The following SLMAP variants were observed in gnomAD, a reference collection of about 807,000 sequenced individuals.
The protein encoded by SLMAP is sarcolemmal membrane-associated protein.
Under a neutral mutation model 128.8 loss-of-function variants are expected in SLMAP, and 44 were observed. The observed-to-expected ratio is 0.34, with a 90% CI of 0.27 to 0.44. SLMAP has a LOEUF of 0.44. SLMAP is among the 20% of genes least tolerant of loss of function. The pLI, the probability that SLMAP is intolerant of heterozygous loss-of-function variation, is 1.00. For synonymous variants in SLMAP, 327 were observed against 348.8 expected, an observed-to-expected ratio of 0.94 and a Z score of 0.70; for missense variants, 787 against 985.3, an observed-to-expected ratio of 0.80 and a Z score of 2.69.
chr3:57,776,502 T>C (rs71311823), intron 2 of SLMAP, among the ~76,000 whole-genome samples: 1 of 142,774 alleles, frequency 7.0e-6, no homozygotes, highest in Non-Finnish European at 1.5e-5. Flanking sequence ...CCCTGATTTG[T>C]CCCTTCTCTC....
intron 13 of SLMAP, among the ~76,000 whole-genome samples, chr3:57,867,038 C>T (rs1320215820): frequency 2.6e-5 from 4 of 151,920 alleles, no homozygotes; most frequent in African/African-American, 4.8e-5. Context: ...ATTAGCTGGG[C>T]GTGGTGGCAC....
At chr3:57,922,740 T>C (rs1576477299) in intron 22 of SLMAP, 149 bp from the exon 23 acceptor site, 1 of 701,584 alleles carries the variant, frequency 1.4e-6, no homozygotes, top group Non-Finnish European at 2.3e-6. Context: ...AGACTTCTTA[T>C]GAGTGCAAGT....
At chr3:57,908,837 T>C (rs777314077) in intron 18 of SLMAP, among the ~76,000 whole-genome samples, 74 of 152,340 alleles carry the variant, frequency 4.9e-4, no homozygotes, top group Non-Finnish European at 9.3e-4. Flanking sequence ...CATATTGTCT[T>C]GGTGATACCA....
chr3:57,791,404 T>C (rs1290176670), intron 2 of SLMAP, among the ~76,000 whole-genome samples: 1 of 152,114 alleles, frequency 6.6e-6, no homozygotes, highest in Non-Finnish European at 1.5e-5. Context: ...GTAGTAGCTC[T>C]GAGCCTTTGT....
At chr3:57,774,489 G>T (rs1038079927) in intron 2 of SLMAP, among the ~76,000 whole-genome samples, 5 of 148,824 alleles carry the variant, frequency 3.4e-5, no homozygotes, top group African/African-American at 1.2e-4. Flanking sequence ...AGGCACAAGA[G>T]AAATTAGACT....
chr3:57,909,209 A>G (rs572915588), intron 19 of SLMAP, 59 bp downstream of exon 19: 4 of 1,308,994 alleles, frequency 3.1e-6, no homozygotes, highest in Non-Finnish European at 1.1e-6. Context: ...TTAGTGATTC[A>G]AAAGGAATGG....
At chr3:57,773,325 T>C (rs1259780239) in intron 2 of SLMAP, among the ~76,000 whole-genome samples, 1 of 152,244 alleles carries the variant, frequency 6.6e-6, no homozygotes, top group East Asian at 1.9e-4. Context: ...CAATAGGTTC[T>C]TGGAAACTGT....
chr3:57,791,814 C>T (rs1008963107), intron 2 of SLMAP, among the ~76,000 whole-genome samples: 1 of 151,958 alleles, frequency 6.6e-6, no homozygotes, highest in Non-Finnish European at 1.5e-5. Flanking sequence ...GAAACTGATT[C>T]ATTAATTTTA....
intron 16 of SLMAP, 107 bp downstream of exon 16, chr3:57,896,698 AC>A: frequency 7.9e-7 from 1 of 1,261,822 alleles, no homozygotes; most frequent in South Asian, 1.5e-5. Flanking sequence ...GAAAAAAAAA[AC>A]GCTTCCATTT....
intron 23 of SLMAP, 70 bp from the exon 24 acceptor site, chr3:57,925,775 G>C: frequency 9.5e-7 from 1 of 1,048,754 alleles, no homozygotes; most frequent in Non-Finnish European, 1.4e-6. Context: ...CCACCCTACT[G>C]GGGTCTGAAT....
rs914553968 is a variant in SLMAP, at chr3:57,927,518, G to A, written c.*229G>A. On this transcript the variant is annotated 3_prime_UTR_variant, in exon 25 of 25. Coordinates refer to ENST00000671191, the MANE Select transcript of SLMAP (RefSeq NM_001377540.1). ...CAGAAGTACAAGAATACAGCTGTAG[G>A]GTCATTGCTTTAAATTATATAAAAT... 76 of 432,824 alleles carry A rather than the reference G, an allele frequency of 1.8e-4. 1 individual carries two copies. The East Asian group carries it at 2.5e-3, about 14-fold the overall frequency. The allele number at this position is 432,824 out of a possible 1,614,324, so 26.8% of individuals were successfully genotyped here.
At chr3:57,856,112 T>A (rs1341842353) in intron 6 of SLMAP, among the ~76,000 whole-genome samples, 1 of 151,916 alleles carries the variant, frequency 6.6e-6, no homozygotes, top group Non-Finnish European at 1.5e-5. Context: ...TTTGGAGGGC[T>A]GAGGCAGGAG....
chr3:57,880,466 G>T (rs1387571369), intron 14 of SLMAP, among the ~76,000 whole-genome samples: 1 of 152,088 alleles, frequency 6.6e-6, no homozygotes, highest in Non-Finnish European at 1.5e-5. Flanking sequence ...GCCTCCCAAA[G>T]TGTGGGGATT....
At chr3:57,914,245 A>T (rs536338768) in intron 21 of SLMAP, among the ~76,000 whole-genome samples, 2 of 152,144 alleles carry the variant, frequency 1.3e-5, no homozygotes, top group South Asian at 2.1e-4. Context: ...CATCTCTACA[A>T]AAAATACAAC....
At chr3:57,801,629 G>A (rs2088401464) in intron 2 of SLMAP, among the ~76,000 whole-genome samples, 1 of 139,718 alleles carries the variant, frequency 7.2e-6, no homozygotes, top group African/African-American at 2.6e-5. Context: ...TGTTGAATAT[G>A]TACTGTTTTT....
At chr3:57,767,575 A>G (rs1395214625) in intron 2 of SLMAP, among the ~76,000 whole-genome samples, 3 of 152,226 alleles carry the variant, frequency 2.0e-5, no homozygotes, top group South Asian at 2.1e-4. Context: ...TATATGAACT[A>G]TTACAATTTC....
Position 57,925,868 on chromosome 3 carries a change from A to G in SLMAP, c.2469A>G (p.Pro823=). ...AGCCTTCCATATTACAACCCGTCCC[A>G]GCCGTATTCATCGGCCTATTCCTGG... ...GNNPSILQPV[P]AVFIGLFLAF... Residue 823 remains proline, a synonymous_variant, in exon 24 of 25, where the codon CCA becomes CCG. Coordinates refer to ENST00000671191, the MANE Select transcript of SLMAP (RefSeq NM_001377540.1). The G allele has an allele frequency of 1.9e-6, 3 of 1,551,062 alleles. No individual in the cohort carries two copies. Among genetic ancestry groups the G allele is most frequent in the African/African-American group, 1.4e-5 (1 of 73,136 alleles).
intron 2 of SLMAP, among the ~76,000 whole-genome samples, chr3:57,792,221 A>G (rs893698173): frequency 1.3e-5 from 2 of 151,998 alleles, no homozygotes; most frequent in African/African-American, 4.8e-5. Context: ...TACTATTTAT[A>G]CTTTTTATAT....
intron 24 of SLMAP, 150 bp downstream of exon 24, chr3:57,926,084 A>G (rs1204365772): frequency 3.0e-5 from 19 of 634,866 alleles, no homozygotes; most frequent in Non-Finnish European, 5.4e-5. Context: ...TGTCATACCA[A>G]TGAACTGAAC....
Sources: allele counts gnomAD v4.1 joint callset (sites outside exome capture counted in the v4.1 genomes callset), GRCh38; gene constraint gnomAD v4.1.1; transcripts MANE v1.5; gene names NCBI Gene and HGNC (gene_info 2026-07-23, HGNC 2026-07-21).